FGF13: variants seen among roughly 807,000 people sequenced by gnomAD.
The protein encoded by FGF13 is fibroblast growth factor 13.
In FGF13, 2 loss-of-function variants were observed where a neutral mutation model predicts 19.5. The observed-to-expected ratio is 0.10, with a 90% CI of 0.04 to 0.32. The LOEUF is 0.32. Ranked by LOEUF, FGF13 falls within the 10% of genes least tolerant of loss-of-function variation. The probability of loss-of-function intolerance (pLI) is 1.00; values close to 1 mark genes in which losing one functional copy is unlikely to be tolerated. For missense variants in FGF13, 113 were observed against 192.7 expected (o/e 0.59, Z 2.45); for synonymous variants, 72 against 76.9 (o/e 0.94, Z 0.33).
At chrX:138,663,975 G>C (rs973678980) in intron 3 of FGF13, among the ~76,000 whole-genome samples, 2 of 111,631 alleles carry the variant, frequency 1.8e-5, no homozygotes, top group Non-Finnish European at 3.8e-5. Flanking sequence ...TGATTCACCT[G>C]TATCTCTGGT....
chrX:139,171,489 C>A (rs2084132476), intron 1 of FGF13, among the ~76,000 whole-genome samples: 1 of 111,657 alleles, frequency 9.0e-6, no homozygotes, highest in African/African-American at 3.3e-5. Context: ...CTACTGTATG[C>A]TCTTAGGCTA....
At chrX:139,111,822 C>A (rs1343858805) in intron 1 of FGF13, among the ~76,000 whole-genome samples, 2 of 111,969 alleles carry the variant, frequency 1.8e-5, no homozygotes, top group Admixed American at 9.5e-5. Context: ...TATATTTTCC[C>A]TATTCTAAAT....
intron 3 of FGF13, among the ~76,000 whole-genome samples, chrX:138,694,751 C>T (rs1319533051): frequency 9.1e-6 from 1 of 110,039 alleles, no homozygotes; most frequent in Non-Finnish European, 1.9e-5. Flanking sequence ...GCTGGGATTA[C>T]AGGCGTGAGC....
At chrX:138,792,628 A>G (rs1449825057) in intron 3 of FGF13, among the ~76,000 whole-genome samples, 1 of 112,073 alleles carries the variant, frequency 8.9e-6, no homozygotes, top group East Asian at 2.8e-4. Flanking sequence ...CAGTGAACAA[A>G]TGGACCTAGG....
intron 1 of FGF13, among the ~76,000 whole-genome samples, chrX:139,111,295 C>T (rs781332913): frequency 2.7e-5 from 3 of 111,644 alleles, no homozygotes; most frequent in Non-Finnish European, 5.6e-5. Context: ...AAATGAACTT[C>T]GTGATCATGT....
chrX:139,099,377 CAAAAAAAAAAAA>C (rs59882808), intron 1 of FGF13, among the ~76,000 whole-genome samples: 6 of 32,964 alleles, frequency 1.8e-4, no homozygotes, highest in Non-Finnish European at 2.9e-4. Flanking sequence ...GTTTCTATCT[CAAAAAAAAAAAA>C]AAAAAAAAAG....
chrX:138,946,559 T>C (rs2091782646), intron 1 of FGF13, among the ~76,000 whole-genome samples: 1 of 112,030 alleles, frequency 8.9e-6, no homozygotes, highest in Non-Finnish European at 1.9e-5. Context: ...TTATTGCATA[T>C]GGAAAGTGGA....
At chrX:138,791,494 A>T (rs2090742520) in intron 3 of FGF13, among the ~76,000 whole-genome samples, 1 of 112,414 alleles carries the variant, frequency 8.9e-6, no homozygotes, top group South Asian at 3.7e-4. Flanking sequence ...TTTATTTGGA[A>T]AGTTCTTTCT....
intron 1 of FGF13, among the ~76,000 whole-genome samples, chrX:139,086,450 G>A (rs2083403885): frequency 8.9e-6 from 1 of 112,355 alleles, no homozygotes; most frequent in Non-Finnish European, 1.9e-5. Flanking sequence ...TAGAGCAGAT[G>A]GTTGCACAAC....
chrX:138,754,644 C>T (rs1310374026), intron 3 of FGF13, among the ~76,000 whole-genome samples: 2 of 111,616 alleles, frequency 1.8e-5, no homozygotes, highest in African/African-American at 6.5e-5. Context: ...GTTCTTTACA[C>T]TGATACAAAA....
rs2089098090 is a variant in FGF13, at chrX:138,629,832, T to A, written c.*3018A>T. The A allele has an allele frequency of 9.0e-6, 1 of 111,729 alleles. No individual in the cohort carries two copies. The highest frequency in any genetic ancestry group is 3.7e-4 in the South Asian group (1 of 2,677). The allele number at this position is 111,729 out of a possible 1,213,427, so 9.2% of individuals were successfully genotyped here. On this transcript the variant is annotated 3_prime_UTR_variant, in exon 5 of 5. Coordinates refer to ENST00000315930, the MANE Select transcript of FGF13 (RefSeq NM_004114.5). Reference sequence around the variant, plus strand: ...TCAATCAGAAACTCTGAAGGTGAAGTCCAGTGATCTGAGTCTTACAAGCCT... The same window carrying A: ...TCAATCAGAAACTCTGAAGGTGAAGACCAGTGATCTGAGTCTTACAAGCCT...
Position 138,865,475 on chromosome X carries a change from T to TCTCTCTCTCTCCTCTCTCTCTC in FGF13, c.-112-847_-112-826dup, listed in dbSNP as rs759382092. Among the ~76,000 whole-genome samples, 52 of 75,878 alleles carry TCTCTCTCTCTCCTCTCTCTCTC rather than the reference T, an allele frequency of 6.9e-4. No homozygotes were observed. In the East Asian group the frequency reaches 0.01, roughly 15 times the overall value. 65.9% of individuals were successfully genotyped at this position (75,878 alleles called of 115,157 possible). A position where few individuals can be genotyped will look rare whatever the true frequency, so the allele number is the denominator to read the frequency against. On this transcript the variant is annotated intron_variant, in intron 1 of 2. Coordinates refer to the FGF13 transcript ENST00000421460. The stretch of plus-strand genomic sequence containing the variant: ...CCTCTCTCTCTCTCTCTCTCTCTCC[T>TCTCTCTCTCTCCTCTCTCTCTC]CTCTCTCTCTCCTCTCTCTCTCCTC...
At chrX:138,952,027 A>C (rs1015180729) in intron 1 of FGF13, among the ~76,000 whole-genome samples, 3 of 111,636 alleles carry the variant, frequency 2.7e-5, no homozygotes, top group Non-Finnish European at 5.6e-5. Context: ...GATTCAATGC[A>C]ACCCCCATCA....
intron 1 of FGF13, among the ~76,000 whole-genome samples, chrX:139,002,755 C>A (rs752286529): frequency 9.0e-6 from 1 of 111,389 alleles, no homozygotes; most frequent in Non-Finnish European, 1.9e-5. Flanking sequence ...TCCTGAATGA[C>A]ATTTCTAGAC....
chrX:138,959,426 G>A (rs1164021357), intron 1 of FGF13, among the ~76,000 whole-genome samples: 4 of 111,979 alleles, frequency 3.6e-5, no homozygotes, highest in African/African-American at 6.5e-5. Flanking sequence ...TTGCTGAGGA[G>A]TGCTTTACTT....
At chrX:139,039,530 A>C (rs1436373348) in intron 1 of FGF13, among the ~76,000 whole-genome samples, 1 of 112,061 alleles carries the variant, frequency 8.9e-6, no homozygotes, top group Non-Finnish European at 1.9e-5. Flanking sequence ...GGTATTTTCA[A>C]CTACTGTTTT....
At chrX:138,984,539 G>C (rs111458029) in intron 1 of FGF13, among the ~76,000 whole-genome samples, 1,156 of 29,057 alleles carry the variant, frequency 0.04, 182 homozygotes, top group African/African-American at 0.052. Context: ...AGAAGAAGAA[G>C]AAGAAGAAGA....
At chrX:138,997,086 G>A (rs192827331) in intron 1 of FGF13, among the ~76,000 whole-genome samples, 53 of 112,185 alleles carry the variant, frequency 4.7e-4, no homozygotes, top group Middle Eastern at 4.6e-3. Context: ...TGCAGCTGAG[G>A]AGCCTGACTG....
chrX:138,976,067 T>C (rs1428364335), intron 1 of FGF13, among the ~76,000 whole-genome samples: 1 of 111,816 alleles, frequency 8.9e-6, no homozygotes, highest in Non-Finnish European at 1.9e-5. Context: ...TGACAACTGC[T>C]GTTTTCAGTC....
Sources: allele counts gnomAD v4.1 joint callset (sites outside exome capture counted in the v4.1 genomes callset), GRCh38; gene constraint gnomAD v4.1.1; transcripts MANE v1.5; gene names NCBI Gene and HGNC (gene_info 2026-07-23, HGNC 2026-07-21).